ITPR2: variants seen among roughly 807,000 people sequenced by gnomAD.
ITPR2 encodes inositol 1,4,5-trisphosphate receptor type 2.
A neutral mutation model predicts 317.1 loss-of-function variants in ITPR2; 207 were observed. The observed-to-expected ratio is 0.65, with a 90% CI of 0.58 to 0.73. The LOEUF is 0.73. Among genes scored for constraint, ITPR2 ranks in the 30% least tolerant of loss-of-function variants. The pLI, the probability that ITPR2 is intolerant of heterozygous loss-of-function variation, is 0.00. For synonymous variants in ITPR2, 1,156 were observed against 1,149.1 expected (o/e 1.01, Z -0.12); for missense variants, 2,613 against 3,284.0 (o/e 0.80, Z 4.99).
chr12:26,675,791 A>C (rs571252693), intron 13 of ITPR2, among the ~76,000 whole-genome samples: 30 of 152,378 alleles, frequency 2.0e-4, no homozygotes, highest in Admixed American at 1.0e-3. Flanking sequence ...GAGATGCTAG[A>C]AAATAATTAA....
At chr12:26,498,510 T>G (rs1199678176) in intron 37 of ITPR2, among the ~76,000 whole-genome samples, 1 of 152,228 alleles carries the variant, frequency 6.6e-6, no homozygotes, top group East Asian at 1.9e-4. Context: ...ATGAAAAATC[T>G]TTTAGACCCA....
At chr12:26,355,122 T>C (rs1938594151) in intron 55 of ITPR2, among the ~76,000 whole-genome samples, 1 of 152,338 alleles carries the variant, frequency 6.6e-6, no homozygotes, top group South Asian at 2.1e-4. Context: ...TTGTGATGCA[T>C]GCTAAAGTTT....
At chr12:26,624,389 T>A (rs760631991) in intron 23 of ITPR2, 33 bp from the exon 24 acceptor site, 1 of 1,497,342 alleles carries the variant, frequency 6.7e-7, no homozygotes, top group South Asian at 1.2e-5. Flanking sequence ...CTCTTCTTTA[T>A]CCTATTTTAA....
intron 1 of ITPR2, among the ~76,000 whole-genome samples, chr12:26,832,394 A>G (rs1264470794): frequency 1.3e-5 from 2 of 152,260 alleles, no homozygotes; most frequent in Non-Finnish European, 1.5e-5. Context: ...CCCAGGGAGA[A>G]GCCAGCGAAG....
At chr12:26,430,389 G>A (rs769808318) in intron 48 of ITPR2, among the ~76,000 whole-genome samples, 5 of 152,062 alleles carry the variant, frequency 3.3e-5, no homozygotes, top group East Asian at 3.9e-4. Flanking sequence ...TCAGCCTCCC[G>A]AGTAGCTGTC....
At chr12:26,824,545 C>T (rs902307484) in intron 1 of ITPR2, among the ~76,000 whole-genome samples, 1 of 152,080 alleles carries the variant, frequency 6.6e-6, no homozygotes, top group South Asian at 2.1e-4. Context: ...CCTCCACTGA[C>T]CATAACTAGG....
At chr12:26,656,672 A>AG in intron 18 of ITPR2, 124 bp from the exon 19 acceptor site, 2 of 935,638 alleles carry the variant, frequency 2.1e-6, no homozygotes, top group Non-Finnish European at 3.2e-6. Flanking sequence ...ATTGGAGTCA[A>AG]ACTCTTGACT....
At chr12:26,678,436 A>C (rs901108857) in intron 13 of ITPR2, among the ~76,000 whole-genome samples, 9 of 152,188 alleles carry the variant, frequency 5.9e-5, no homozygotes, top group Non-Finnish European at 1.3e-4. Flanking sequence ...GAGAAAAAAA[A>C]AATTCCAACA....
At chr12:26,666,578 T>A (rs1161490936) in intron 13 of ITPR2, among the ~76,000 whole-genome samples, 1 of 152,214 alleles carries the variant, frequency 6.6e-6, no homozygotes, top group Non-Finnish European at 1.5e-5. Context: ...CTACATTTCC[T>A]AATCCTCGCC....
intron 48 of ITPR2, among the ~76,000 whole-genome samples, chr12:26,432,163 T>C (rs1941228542): frequency 6.6e-6 from 1 of 152,182 alleles, no homozygotes; most frequent in Non-Finnish European, 1.5e-5. Flanking sequence ...TAGTCAAAGT[T>C]AGTCAATTTC....
At chr12:26,467,212 T>C (rs973513340) in intron 45 of ITPR2, among the ~76,000 whole-genome samples, 2 of 152,180 alleles carry the variant, frequency 1.3e-5, no homozygotes, top group African/African-American at 4.8e-5. Flanking sequence ...GCTCAAGCAA[T>C]TGTAGTTAGT....
intron 21 of ITPR2, 109 bp from the exon 22 acceptor site, chr12:26,632,168 A>G (rs1422838794): frequency 5.5e-6 from 4 of 732,106 alleles, no homozygotes; most frequent in Admixed American, 3.2e-5. Context: ...AAAAGGATTC[A>G]GGATAAGACA....
rs1212508578 is a variant in ITPR2, at chr12:26,772,496, A to T, written c.163+17661T>A. On this transcript the variant is annotated intron_variant, in intron 2 of 56. Coordinates refer to ENST00000381340, the MANE Select transcript of ITPR2 (RefSeq NM_002223.4). ...TATATATAATATATATAATACATAT[A>T]ATACATGTATTATATATAATACATT... is the stretch of plus-strand genomic sequence containing the variant. Among the ~76,000 whole-genome samples, 148 of 121,532 alleles carry T rather than the reference A, an allele frequency of 1.2e-3. 1 individual carries two copies. The highest frequency in any genetic ancestry group is 2.0e-3 in the Non-Finnish European group (110 of 54,092). The allele number at this position is 121,532 out of a possible 152,430, so 79.7% of individuals were successfully genotyped here.
chr12:26,398,817 C>T, intron 54 of ITPR2, 59 bp downstream of exon 54: 1 of 1,404,284 alleles, frequency 7.1e-7, no homozygotes, highest in South Asian at 1.3e-5. Context: ...ATCCCTCTAG[C>T]CCCTCTTTCC....
At chr12:26,496,069 T>C (rs1020331928) in intron 37 of ITPR2, among the ~76,000 whole-genome samples, 1 of 152,180 alleles carries the variant, frequency 6.6e-6, no homozygotes, top group African/African-American at 2.4e-5. Context: ...GAAACACAGA[T>C]AACTCCAAAT....
chr12:26,738,977 A>G (rs1197446487), intron 2 of ITPR2, among the ~76,000 whole-genome samples: 1 of 152,268 alleles, frequency 6.6e-6, no homozygotes, highest in Non-Finnish European at 1.5e-5. Flanking sequence ...TTTACAACTC[A>G]ATAAAAGAAG....
intron 2 of ITPR2, among the ~76,000 whole-genome samples, chr12:26,774,309 C>G (rs999112838): frequency 6.6e-6 from 1 of 152,124 alleles, no homozygotes; most frequent in African/African-American, 2.4e-5. Context: ...GAAAAAGCAT[C>G]TGGAGACAGA....
chr12:26,788,780 G>A (rs1950298644), intron 2 of ITPR2, among the ~76,000 whole-genome samples: 1 of 151,926 alleles, frequency 6.6e-6, no homozygotes, highest in Admixed American at 6.6e-5. Context: ...CTATATTCTG[G>A]GTGGTTTCCT....
At chr12:26,455,010 T>G (rs1941845727) in intron 45 of ITPR2, among the ~76,000 whole-genome samples, 1 of 152,132 alleles carries the variant, frequency 6.6e-6, no homozygotes, top group Non-Finnish European at 1.5e-5. Context: ...AATGAGTCAA[T>G]TGCTTTTCTG....
Sources: allele counts gnomAD v4.1 joint callset (sites outside exome capture counted in the v4.1 genomes callset), GRCh38; gene constraint gnomAD v4.1.1; transcripts MANE v1.5; gene names NCBI Gene and HGNC (gene_info 2026-07-23, HGNC 2026-07-21).